MED16: variants seen among roughly 807,000 people sequenced by gnomAD.
MED16 encodes the protein mediator complex subunit 16.
A neutral mutation model predicts 84.4 loss-of-function variants in MED16; 81 were observed. The ratio of observed to expected loss-of-function variants is 0.96; its 90% confidence interval spans 0.80 to 1.15. The LOEUF (loss-of-function observed/expected upper bound fraction) is 1.15, where lower values mean the gene tolerates loss of function less well. Among genes scored for constraint, MED16 ranks in the 50% most tolerant of loss-of-function variants. The pLI is 0.00. For synonymous variants in MED16, 897 were observed against 552.2 expected (o/e 1.62, Z -8.76); for missense variants, 1,585 against 1,245.9 (o/e 1.27, Z -4.10).
intron 13 of MED16, among the ~76,000 whole-genome samples, chr19:869,171 G>C (rs549333559): frequency 6.6e-6 from 1 of 152,278 alleles, no homozygotes; most frequent in East Asian, 1.9e-4. Context: ...GGTCTCCCAG[G>C]TGCCTGGGGA....
intron 4 of MED16, among the ~76,000 whole-genome samples, chr19:886,589 AG>A (rs2036531698): frequency 6.6e-6 from 1 of 152,234 alleles, no homozygotes; most frequent in Admixed American, 6.5e-5. Context: ...GGTGCCAATG[AG>A]CCACACTCAC....
Position 871,936 on chromosome 19 carries a change from G to C in MED16, c.2088C>G (p.Leu696=). ...MSLLFRLLTK[L]WICCRDEGPA... ...GCGGGGGTGCCTCACAGCAGATCCA[G>C]AGCTTGGTGAGCAGGCGGAAGAGCA... The change falls in exon 12 of 16, where the codon CTC becomes CTG. Residue 696 remains leucine, a synonymous_variant. Transcript: ENST00000325464. 1 of 1,579,152 alleles carries C rather than the reference G, an allele frequency of 6.3e-7. No individual in the cohort carries two copies. Among genetic ancestry groups the C allele is most frequent in the Non-Finnish European group, 8.6e-7 (1 of 1,166,532 alleles).
rs865972062 is a variant in MED16, at chr19:870,959, G to A, written c.2315+78C>T. ...GGGCAGGACATGCAGGGAGGGAGCC[G>A]TGTGGATTCGGGGGTCCCGGGGCAG... On this transcript the variant is annotated intron_variant, in intron 13 of 15. Coordinates refer to ENST00000325464, the MANE Select transcript of MED16 (RefSeq NM_005481.3). 4.2e-5 allele frequency: 58 copies of A among 1,386,886 alleles called. No individual in the cohort carries two copies. In the Middle Eastern group the frequency reaches 2.6e-3, roughly 61 times the overall value. 85.9% of individuals were successfully genotyped at this position (1,386,886 alleles called of 1,614,324 possible). A position where few individuals can be genotyped will look rare whatever the true frequency, so the allele number is the denominator to read the frequency against.
rs770807105 is a variant in MED16, at chr19:881,727, G to C, written c.986-13C>G. ...TGTTTGTCGCCAACTGAAAAATCAG[G>C]GGCAGGAAAACAGGAAGGCAATGGA... On this transcript the variant is annotated splice_polypyrimidine_tract_variant and intron_variant, in intron 6 of 15. Transcript: ENST00000325464. 2.5e-6 allele frequency: 4 copies of C among 1,607,378 alleles called. No homozygotes were observed. The highest frequency in any genetic ancestry group is 3.4e-6 in the Non-Finnish European group (4 of 1,175,996).
chr19:869,038 A>G, intron 13 of MED16, 92 bp from the exon 14 acceptor site: 1 of 1,121,120 alleles, frequency 8.9e-7, no homozygotes. Context: ...GGTGGAGGGA[A>G]TGGCCGGCCT....
intron 4 of MED16, among the ~76,000 whole-genome samples, chr19:887,202 T>C (rs1176598752): frequency 2.0e-5 from 3 of 152,098 alleles, no homozygotes; most frequent in Non-Finnish European, 4.4e-5. Context: ...AAAACACTTC[T>C]TATAGCAAGA....
intron 9 of MED16, among the ~76,000 whole-genome samples, 186 bp from the exon 10 acceptor site, chr19:875,640 G>A (rs974966009): frequency 6.6e-6 from 1 of 152,220 alleles, no homozygotes; most frequent in African/African-American, 2.4e-5. Flanking sequence ...ACAGGACCAG[G>A]TGCTGGGTTC....
At chr19:869,354 G>A (rs751397751) in intron 13 of MED16, among the ~76,000 whole-genome samples, 9 of 151,910 alleles carry the variant, frequency 5.9e-5, no homozygotes, top group South Asian at 2.1e-4. Flanking sequence ...CCAGACACCC[G>A]GCCTGGAGGT....
intron 6 of MED16, among the ~76,000 whole-genome samples, chr19:884,393 G>A (rs2036483086): frequency 1.3e-5 from 2 of 151,788 alleles, no homozygotes; most frequent in South Asian, 2.1e-4. Flanking sequence ...GGGAATGGGG[G>A]CCCCAGAAGA....
chr19:886,948 G>A (rs183315529), intron 4 of MED16, among the ~76,000 whole-genome samples: 2 of 151,996 alleles, frequency 1.3e-5, no homozygotes, highest in East Asian at 3.9e-4. Flanking sequence ...GCATGGTAGC[G>A]GGTGCCTATA....
intron 7 of MED16, among the ~76,000 whole-genome samples, chr19:881,027 G>A (rs2036410258): frequency 6.6e-6 from 1 of 152,202 alleles, no homozygotes; most frequent in Middle Eastern, 3.2e-3. Flanking sequence ...CAGGCTCTGA[G>A]GAACAGCCCT....
chr19:871,343 A>G, intron 12 of MED16, 90 bp from the exon 13 acceptor site: 1 of 1,401,826 alleles, frequency 7.1e-7, no homozygotes, highest in Non-Finnish European at 9.6e-7. Flanking sequence ...CCAGTTCAGG[A>G]GCACCAGGTC....
rs996923955 is a variant in MED16 at position 880,284 on chromosome 19, G to C, written c.1142-136C>G. ...GTCAGCCCCCGCCAATCGGCATCCA[G>C]CGCCCGTGCCCCCAGCCACTCTTTC... On this transcript the variant is annotated intron_variant, in intron 7 of 15. Coordinates refer to ENST00000325464, the MANE Select transcript of MED16 (RefSeq NM_005481.3). The C allele has an allele frequency of 4.3e-5, 31 of 713,896 alleles. No individual in the cohort carries two copies. In the African/African-American group the frequency reaches 5.8e-4, roughly 13 times the overall value. 44.2% of individuals were successfully genotyped at this position (713,896 alleles called of 1,614,324 possible). A position where few individuals can be genotyped will look rare whatever the true frequency, so the allele number is the denominator to read the frequency against.
chr19:878,723 G>A (rs1374753532), intron 8 of MED16, among the ~76,000 whole-genome samples: 7 of 128,522 alleles, frequency 5.4e-5, no homozygotes, highest in East Asian at 2.5e-4. Context: ...TCCCCTGGTT[G>A]TCAATCCCCA....
intron 8 of MED16, among the ~76,000 whole-genome samples, chr19:877,412 T>C (rs1337149398): frequency 6.6e-6 from 1 of 152,134 alleles, no homozygotes; most frequent in Non-Finnish European, 1.5e-5. Flanking sequence ...CTGCACTGGA[T>C]GCCGAGCCAG....
chr19:869,595 G>A (rs1183007464), intron 13 of MED16, among the ~76,000 whole-genome samples: 4 of 152,130 alleles, frequency 2.6e-5, no homozygotes, highest in East Asian at 3.9e-4. Context: ...CAGTGAGCAC[G>A]AGGAAGAAAA....
At chr19:885,634 C>G (rs2036509913) in intron 5 of MED16, 136 bp downstream of exon 5, 3 of 1,032,016 alleles carry the variant, frequency 2.9e-6, no homozygotes, top group Non-Finnish European at 4.1e-6. Context: ...TCCCCTGGAG[C>G]CCCCGGGAGG....
At chr19:874,669 G>A (rs1245550035) in intron 10 of MED16, among the ~76,000 whole-genome samples, 1 of 152,198 alleles carries the variant, frequency 6.6e-6, no homozygotes, top group African/African-American at 2.4e-5. Context: ...CTTGAGCTCA[G>A]GTGGTCAAGA....
At chr19:885,398 G>C (rs2930899) in intron 5 of MED16, among the ~76,000 whole-genome samples, 108,866 of 151,886 alleles carry the variant, frequency 0.72, 39,817 homozygotes, top group African/African-American at 0.86. Context: ...GCCTCTCACA[G>C]AGAAGGGACC....
Sources: gnomAD v4.1 joint callset for allele counts (sites outside exome capture counted in the v4.1 genomes callset) on GRCh38, gnomAD v4.1.1 for gene constraint, MANE v1.5 for transcripts, NCBI Gene and HGNC (gene_info 2026-07-23, HGNC 2026-07-21) for gene names.